The following BMPR1A variants were observed in gnomAD, a reference collection of about 807,000 sequenced individuals.
BMPR1A encodes the protein bone morphogenetic protein receptor type 1A, also known as bone morphogenetic protein receptor type-1A.
In BMPR1A, 7 loss-of-function variants were observed where a neutral mutation model predicts 66.0. That is an observed-to-expected ratio of 0.11 (90% CI 0.06 to 0.20). BMPR1A has a LOEUF of 0.20. BMPR1A is among the 10% of genes least tolerant of loss of function. The probability of loss-of-function intolerance (pLI) is 1.00; values close to 1 mark genes in which losing one functional copy is unlikely to be tolerated. For synonymous variants in BMPR1A, 200 were observed against 229.7 expected (o/e 0.87, Z 1.17); for missense variants, 408 against 669.1 (o/e 0.61, Z 4.31).
chr10:86,926,728 C>T lies in BMPR1A; in HGVS notation c.*3009C>T, dbSNP rs1021522951. ...GGAAGCCATTATTTGGTCCCACTTG[C>T]AATTTAGTGTTTTTGAAGTGTGTAG... is the stretch of plus-strand genomic sequence containing the variant. On this transcript the variant is annotated 3_prime_UTR_variant, in exon 13 of 13. Coordinates refer to ENST00000372037, the MANE Select transcript of BMPR1A (RefSeq NM_004329.3). The T allele has an allele frequency of 5.5e-6, 1 of 183,218 alleles. No individual in the cohort carries two copies. Among genetic ancestry groups the T allele is most frequent in the Non-Finnish European group, 1.2e-5 (1 of 86,270 alleles). The allele number at this position is 183,218 out of a possible 1,614,324, so 11.3% of individuals were successfully genotyped here. A position where few individuals can be genotyped will look rare whatever the true frequency, so the allele number is the denominator to read the frequency against.
chr10:86,817,088 T>C (rs1361036800), intron 1 of BMPR1A, among the ~76,000 whole-genome samples: 3 of 152,234 alleles, frequency 2.0e-5, no homozygotes, highest in African/African-American at 7.2e-5. Flanking sequence ...AAAATATACA[T>C]ACCCCAAATT....
rs1564685595 is a variant in BMPR1A at position 86,790,217 on chromosome 10, AT to A, written c.-268+33299del. 8.8e-4 allele frequency among the ~76,000 whole-genome samples: 78 copies of A among 88,416 alleles called. 11 individuals carry two copies. The highest frequency in any genetic ancestry group is 2.2e-3 in the African/African-American group (50 of 22,746). 58.0% of individuals were successfully genotyped at this position (88,416 alleles called of 152,430 possible). A position where few individuals can be genotyped will look rare whatever the true frequency, so the allele number is the denominator to read the frequency against. ...TATATATATATATATATATATATAT[AT>A]ATATATATATATATATATCAAAACC... is the stretch of plus-strand genomic sequence containing the variant. On this transcript the variant is annotated intron_variant, in intron 1 of 12. Transcript: ENST00000372037.
At chr10:86,756,232 C>G (rs1847857896), upstream of BMPR1A, 1 of 152,122 alleles carries the variant, frequency 6.6e-6, no homozygotes, top group Non-Finnish European at 1.5e-5. Flanking sequence ...GTCCACGCTC[C>G]CCTCCGCCGC....
chr10:86,766,209 C>T (rs187342099), intron 1 of BMPR1A, among the ~76,000 whole-genome samples: 44 of 152,134 alleles, frequency 2.9e-4, no homozygotes, highest in African/African-American at 9.6e-4. Flanking sequence ...CTAGGCTGGT[C>T]TCGAACTCCT....
chr10:86,824,137 G>A (rs557438319), intron 1 of BMPR1A, among the ~76,000 whole-genome samples: 1 of 142,180 alleles, frequency 7.0e-6, no homozygotes, highest in Non-Finnish European at 1.5e-5. Context: ...CTTGTCTGTC[G>A]ATAATAGAAT....
chr10:86,859,410 C>G (rs948402774), intron 2 of BMPR1A, among the ~76,000 whole-genome samples: 5 of 151,934 alleles, frequency 3.3e-5, no homozygotes, highest in Non-Finnish European at 7.4e-5. Flanking sequence ...CTCAAGTGAT[C>G]CTCCTGCCTT....
At chr10:86,864,541 C>T (rs1564706944) in intron 2 of BMPR1A, among the ~76,000 whole-genome samples, 1 of 152,164 alleles carries the variant, frequency 6.6e-6, no homozygotes, top group Non-Finnish European at 1.5e-5. Context: ...TTACTCACTG[C>T]TGAAAAAGGA....
At chr10:86,912,114 TG>T in intron 7 of BMPR1A, 125 bp from the exon 8 acceptor site, 1 of 1,007,612 alleles carries the variant, frequency 9.9e-7, no homozygotes, top group East Asian at 2.6e-5. Context: ...TATTATCCAA[TG>T]ATAAGACTAA....
In BMPR1A at chr10:86,912,356, C is replaced by T; in HGVS notation, c.647C>T (p.Ser216Phe). The T allele has an allele frequency of 6.2e-7, 1 of 1,613,964 alleles. No individual in the cohort carries two copies. Among genetic ancestry groups the T allele is most frequent in the South Asian group, 1.1e-5 (1 of 91,064 alleles). ...LKDLIDQSQS[S>F]GSGSGLPLLV... ...GACCTTATTGACCAGTCACAAAGTT[C>T]TGGTAGTGGGTCTGGACTACCTTTA... is the stretch of plus-strand genomic sequence containing the variant. The change falls in exon 8 of 13, where the codon TCT (serine) becomes TTT (phenylalanine). Residue 216 changes from serine (S) to phenylalanine (F), a missense_variant. Ser to Phe is a radical substitution (Grantham distance 155). Coordinates refer to ENST00000372037, the MANE Select transcript of BMPR1A (RefSeq NM_004329.3).
chr10:86,807,967 A>G (rs1164111753), intron 1 of BMPR1A, among the ~76,000 whole-genome samples: 1 of 152,118 alleles, frequency 6.6e-6, no homozygotes, highest in Non-Finnish European at 1.5e-5. Flanking sequence ...GGGTTTCACC[A>G]TGTTGGTCAG....
chr10:86,757,604 G>A (rs1847898080), intron 1 of BMPR1A, among the ~76,000 whole-genome samples: 1 of 152,212 alleles, frequency 6.6e-6, no homozygotes, highest in Admixed American at 6.5e-5. Context: ...AGGGTCTGGC[G>A]TTTGAGCGTG....
intron 1 of BMPR1A, among the ~76,000 whole-genome samples, chr10:86,759,703 C>T (rs1841001334): frequency 6.6e-6 from 1 of 152,150 alleles, no homozygotes; most frequent in African/African-American, 2.4e-5. Context: ...AGTTGGGCAG[C>T]TTTCCTTCTT....
chr10:86,900,255 C>A, intron 7 of BMPR1A, 129 bp downstream of exon 7: 1 of 854,656 alleles, frequency 1.2e-6, no homozygotes, highest in Non-Finnish European at 1.8e-6. Context: ...TGTAACTAGA[C>A]TATAGTTCTC....
chr10:86,888,267 C>T (rs1278112257), intron 3 of BMPR1A, among the ~76,000 whole-genome samples: 2 of 151,484 alleles, frequency 1.3e-5, no homozygotes, highest in Admixed American at 6.6e-5. Flanking sequence ...AGTTTGAGAC[C>T]AGCCTGGCCA....
chr10:86,761,027 G>T (rs971280234), intron 1 of BMPR1A, among the ~76,000 whole-genome samples: 3 of 152,170 alleles, frequency 2.0e-5, no homozygotes, highest in African/African-American at 7.2e-5. Flanking sequence ...ATGCATCTTA[G>T]AATTGATGAA....
At chr10:86,771,202 C>T (rs551440167) in intron 1 of BMPR1A, among the ~76,000 whole-genome samples, 1 of 152,100 alleles carries the variant, frequency 6.6e-6, no homozygotes, top group Non-Finnish European at 1.5e-5. Flanking sequence ...TGGAGTTTAT[C>T]AAACCTTGGA....
At chr10:86,790,869 G>A (rs1841606459) in intron 1 of BMPR1A, among the ~76,000 whole-genome samples, 6 of 152,100 alleles carry the variant, frequency 3.9e-5, no homozygotes, top group Admixed American at 6.6e-5. Context: ...TTTATTATAC[G>A]TCAATTATAT....
At chr10:86,819,448 G>A (rs1313441824) in intron 1 of BMPR1A, among the ~76,000 whole-genome samples, 6 of 151,880 alleles carry the variant, frequency 4.0e-5, no homozygotes, top group Non-Finnish European at 8.8e-5. Flanking sequence ...GTACAGGCAC[G>A]CGCCACCATG....
At chr10:86,902,774 A>G (rs151229987) in intron 7 of BMPR1A, among the ~76,000 whole-genome samples, 85 of 151,874 alleles carry the variant, frequency 5.6e-4, no homozygotes, top group African/African-American at 1.8e-3. Context: ...CACAGGGGGA[A>G]CCCAGGTGTA....
Sources: allele counts gnomAD v4.1 joint callset (sites outside exome capture counted in the v4.1 genomes callset), GRCh38; gene constraint gnomAD v4.1.1; transcripts MANE v1.5; gene names NCBI Gene and HGNC (gene_info 2026-07-23, HGNC 2026-07-21).